LZTFL1: variants seen among roughly 807,000 people sequenced by gnomAD.
The protein encoded by LZTFL1 is leucine zipper transcription factor like 1, also known as leucine zipper transcription factor-like protein 1.
LZTFL1 carries 25 observed loss-of-function variants against 45.9 expected under a neutral mutation model. That is an observed-to-expected ratio of 0.54 (90% CI 0.40 to 0.76). The LOEUF is 0.76. Among genes scored for constraint, LZTFL1 ranks in the 30% least tolerant of loss-of-function variants. The probability of loss-of-function intolerance (pLI) is 0.00; values close to 1 mark genes in which losing one functional copy is unlikely to be tolerated. For synonymous variants in LZTFL1, 93 were observed against 117.4 expected (o/e 0.79, Z 1.35); for missense variants, 277 against 331.1 (o/e 0.84, Z 1.27).
intron 2 of LZTFL1, among the ~76,000 whole-genome samples, chr3:45,872,036 G>A (rs1701678621): frequency 6.6e-6 from 1 of 152,202 alleles, no homozygotes; most frequent in Admixed American, 6.5e-5. Flanking sequence ...AGACGGAGAA[G>A]CAGCCAGGTG....
intron 2 of LZTFL1, among the ~76,000 whole-genome samples, chr3:45,878,595 T>TA (rs762444326): frequency 0.011 from 1,268 of 111,566 alleles, 19 homozygotes; most frequent in African/African-American, 0.036. Flanking sequence ...GGCCCTCAAG[T>TA]AAAAAAAAAA....
Position 45,901,775 on chromosome 3 carries a change from G to A in LZTFL1, c.-215+11345C>T. ...GTGAGAGATTCCGCCGGGATCTCGTGAAAACCCTGAAGAACTTGGGTTGCA... is the reference window on the plus strand; with the variant it reads ...GTGAGAGATTCCGCCGGGATCTCGTAAAAACCCTGAAGAACTTGGGTTGCA... On this transcript the variant is annotated intron_variant, in intron 2 of 4. Coordinates refer to the LZTFL1 transcript ENST00000472635. This position sits in a 1 kb window ranked among gnomAD's most constrained non-coding sequence, Gnocchi z 4.3. The A allele has an allele frequency of 1.2e-6, 2 of 1,614,162 alleles. No homozygotes were observed. Among genetic ancestry groups the A allele is most frequent in the Non-Finnish European group, 1.7e-6 (2 of 1,180,036 alleles).
chr3:45,836,452 C>T (rs1700968432), intron 2 of LZTFL1, among the ~76,000 whole-genome samples: 1 of 152,114 alleles, frequency 6.6e-6, no homozygotes. Flanking sequence ...GTCAGGAGTT[C>T]GAGACCAATC....
chr3:45,897,301 G>T (rs1702386897), intron 2 of LZTFL1, among the ~76,000 whole-genome samples: 1 of 152,132 alleles, frequency 6.6e-6, no homozygotes. Flanking sequence ...TAGATTTGGG[G>T]TGTAAAATTC....
chr3:45,889,010 G>T lies in LZTFL1; in HGVS notation c.-215+24110C>A, dbSNP rs1490615859. Among the ~76,000 whole-genome samples, 3 of 152,186 alleles carry T rather than the reference G, an allele frequency of 2.0e-5. No homozygotes were observed. The South Asian group carries it at 6.2e-4, about 32-fold the overall frequency. On this transcript the variant is annotated intron_variant, in intron 2 of 4. Coordinates refer to the LZTFL1 transcript ENST00000472635. ...TATTTGTTTATTTATTTTAGAGACAGGGTCTTGCTCTGTCACTCAGGCTGC... is the reference window on the plus strand; with the variant it reads ...TATTTGTTTATTTATTTTAGAGACATGGTCTTGCTCTGTCACTCAGGCTGC...
intron 4 of LZTFL1, among the ~76,000 whole-genome samples, chr3:45,850,516 G>A (rs781610146): frequency 5.3e-5 from 8 of 152,044 alleles, no homozygotes; most frequent in African/African-American, 1.4e-4. Context: ...ATCCATTCTC[G>A]GATGCCCTGA....
intron 2 of LZTFL1, among the ~76,000 whole-genome samples, chr3:45,860,032 G>A (rs1701459971): frequency 6.6e-6 from 1 of 152,102 alleles, no homozygotes; most frequent in South Asian, 2.1e-4. Flanking sequence ...ATCACAGTAT[G>A]ATGACCAGCC....
chr3:45,850,169 A>G (rs1043648249), intron 4 of LZTFL1, among the ~76,000 whole-genome samples: 1 of 152,232 alleles, frequency 6.6e-6, no homozygotes, highest in Admixed American at 6.5e-5. Context: ...AATTGATTGC[A>G]TATTTACTGT....
At chr3:45,833,243 TC>T in intron 4 of LZTFL1, 122 bp from the exon 5 acceptor site, 1 of 683,710 alleles carries the variant, frequency 1.5e-6, no homozygotes, top group African/African-American at 1.8e-5. Context: ...CGATGTCAGT[TC>T]CACAGGTGTG....
chr3:45,852,174 A>G (rs1241902885), intron 4 of LZTFL1, among the ~76,000 whole-genome samples: 4 of 152,254 alleles, frequency 2.6e-5, no homozygotes, highest in African/African-American at 7.2e-5. Context: ...ATTAACACTC[A>G]GTAGTGTCTG....
intron 2 of LZTFL1, among the ~76,000 whole-genome samples, chr3:45,859,598 G>C (rs1001206022): frequency 6.7e-6 from 1 of 150,272 alleles, no homozygotes; most frequent in Non-Finnish European, 1.5e-5. Flanking sequence ...AAAAATTAAC[G>C]AATGAATGAA....
chr3:45,901,388 G>C lies in LZTFL1; in HGVS notation c.-215+11732C>G. 1 of 1,614,184 alleles carries C rather than the reference G, an allele frequency of 6.2e-7. No homozygotes were observed. Among genetic ancestry groups the C allele is most frequent in the South Asian group, 1.1e-5 (1 of 91,078 alleles). ...AATCCGGCATTGCTATCTGCACCAT[G>C]GTTTACCCTAGCGATGAGAGCACCA... On this transcript the variant is annotated intron_variant, in intron 2 of 4. Transcript: ENST00000472635. The surrounding 1 kb of genome is among the most constrained non-coding windows in gnomAD (Gnocchi z 4.3).
At position 45,838,053 on chromosome 3, in the gene LZTFL1, T is replaced by C. The variant is rs1415508572; in HGVS notation, c.4-2A>G. ...GTGCTCATTTAGGCCCAACTCTGCC[T>C]GAAAAAGAAAGAGGTAATTTAATTG... On this transcript the variant is annotated splice_acceptor_variant, in intron 1 of 9. Coordinates refer to ENST00000296135, the MANE Select transcript of LZTFL1 (RefSeq NM_020347.4). LOFTEE classifies it high-confidence loss of function. 6 of 1,586,682 alleles carry C rather than the reference T, an allele frequency of 3.8e-6. No individual in the cohort carries two copies. Among genetic ancestry groups the C allele is most frequent in the Non-Finnish European group, 5.1e-6 (6 of 1,171,728 alleles).
chr3:45,863,593 G>A (rs1235041434), intron 2 of LZTFL1, among the ~76,000 whole-genome samples: 1 of 152,210 alleles, frequency 6.6e-6, no homozygotes, highest in Non-Finnish European at 1.5e-5. Context: ...GAATTCCGAT[G>A]TCACAGCATC....
rs375494970 is a variant in LZTFL1 at position 45,835,563 on chromosome 3, C to T, written c.323+27G>A. On this transcript the variant is annotated intron_variant, in intron 3 of 9. Coordinates refer to ENST00000296135, the MANE Select transcript of LZTFL1 (RefSeq NM_020347.4). ...AAGATTATGCTTGGGCCATTATTGT[C>T]ACAGTTGCAAGTTCAAATTTTATTA... 3.3e-5 allele frequency: 52 copies of T among 1,598,970 alleles called. No individual in the cohort carries two copies. The African/African-American group carries it at 5.6e-4, about 17-fold the overall frequency.
chr3:45,901,728 C>A lies in LZTFL1; in HGVS notation c.-215+11392G>T. 1.2e-6 allele frequency: 2 copies of A among 1,614,204 alleles called. No homozygotes were observed. The highest frequency in any genetic ancestry group is 1.1e-5 in the South Asian group (1 of 91,078). ...CGCCTTCTTCCACAGTTGCCTGAAC[C>A]CTGTTCTCTATGTTTTTGTGGGTGA... On this transcript the variant is annotated intron_variant, in intron 2 of 4. Transcript: ENST00000472635. The surrounding 1 kb of genome is among the most constrained non-coding windows in gnomAD (Gnocchi z 4.3).
intron 2 of LZTFL1, among the ~76,000 whole-genome samples, chr3:45,868,540 T>G (rs1283032583): frequency 6.6e-6 from 1 of 152,220 alleles, no homozygotes; most frequent in African/African-American, 2.4e-5. Context: ...TGTAAATATG[T>G]ATTGAGTCAA....
chr3:45,899,831 G>A (rs892797771), intron 2 of LZTFL1, among the ~76,000 whole-genome samples: 2 of 152,104 alleles, frequency 1.3e-5, no homozygotes, highest in African/African-American at 4.8e-5. Context: ...ACATCTCAGG[G>A]TCTCATTTCC....
chr3:45,835,963 T>C (rs745748624), intron 2 of LZTFL1, among the ~76,000 whole-genome samples, 179 bp from the exon 3 acceptor site: 2 of 152,240 alleles, frequency 1.3e-5, no homozygotes, highest in Non-Finnish European at 2.9e-5. Flanking sequence ...ACTCAATTAA[T>C]TTTTGACATC....
Sources: gnomAD v4.1 joint callset for allele counts (sites outside exome capture counted in the v4.1 genomes callset) on GRCh38, gnomAD v4.1.1 for gene constraint, Gnocchi (gnomAD v3.1) non-coding constraint, MANE v1.5 for transcripts, NCBI Gene and HGNC (gene_info 2026-07-23, HGNC 2026-07-21) for gene names.